Variants in NAPB observed in about 807,000 individuals in gnomAD.
NAPB encodes the protein NSF attachment protein beta.
NAPB carries 26 observed loss-of-function variants against 44.7 expected under a neutral mutation model. That is an observed-to-expected ratio of 0.58 (90% CI 0.43 to 0.81). The LOEUF (loss-of-function observed/expected upper bound fraction) is 0.81, where lower values mean the gene tolerates loss of function less well. Ranked by LOEUF, NAPB falls within the 30% of genes least tolerant of loss-of-function variation. The pLI is 0.00. For missense variants in NAPB, 315 were observed against 356.4 expected, an observed-to-expected ratio of 0.88 and a Z score of 0.94; for synonymous variants, 120 against 116.8, an observed-to-expected ratio of 1.03 and a Z score of -0.18.
At chr20:23,410,304 T>A (rs1025232084) in intron 1 of NAPB, among the ~76,000 whole-genome samples, 1 of 152,128 alleles carries the variant, frequency 6.6e-6, no homozygotes, top group Non-Finnish European at 1.5e-5. Context: ...CACAAACCGC[T>A]CATCTCCTAT....
intron 7 of NAPB, 35 bp downstream of exon 7, chr20:23,389,907 TCAGA>T (rs1983825595): frequency 2.6e-6 from 4 of 1,553,116 alleles, no homozygotes; most frequent in Non-Finnish European, 3.5e-6. Context: ...GAAAAATTAT[TCAGA>T]CAACTTCTCT....
intron 10 of NAPB, chr20:23,378,806 T>G (rs1206696123): frequency 6.8e-6 from 1 of 146,456 alleles, no homozygotes; most frequent in African/African-American, 2.5e-5. Context: ...ATATTTTAAA[T>G]TATATTTAAT....
chr20:23,421,242 G>C, intron 1 of NAPB, 63 bp downstream of exon 1: 7 of 1,426,524 alleles, frequency 4.9e-6, no homozygotes, highest in Non-Finnish European at 6.6e-6. Context: ...GGGTCAGCCT[G>C]AAAGGAAGGG....
chr20:23,398,761 T>A (rs1215938704), intron 2 of NAPB, among the ~76,000 whole-genome samples: 1 of 151,516 alleles, frequency 6.6e-6, no homozygotes, highest in Non-Finnish European at 1.5e-5. Context: ...GGACAATTGC[T>A]TGAATCCGGG....
At chr20:23,415,050 A>T (rs1488917219) in intron 1 of NAPB, among the ~76,000 whole-genome samples, 1 of 152,196 alleles carries the variant, frequency 6.6e-6, no homozygotes, top group African/African-American at 2.4e-5. Flanking sequence ...AGAGATTGAG[A>T]CATAACTAAG....
At chr20:23,414,226 G>A (rs952891560) in intron 1 of NAPB, among the ~76,000 whole-genome samples, 4 of 152,214 alleles carry the variant, frequency 2.6e-5, no homozygotes, top group African/African-American at 7.2e-5. Flanking sequence ...GGAGGCTGAG[G>A]TGGGAGGATC....
chr20:23,388,270 A>AAC (rs1484843400), intron 7 of NAPB, among the ~76,000 whole-genome samples: 1 of 150,894 alleles, frequency 6.6e-6, no homozygotes, highest in African/African-American at 2.5e-5. Flanking sequence ...CACACACACA[A>AAC]ACACACACAC....
At chr20:23,390,127 T>A in intron 6 of NAPB, 82 bp downstream of exon 6, 1 of 1,516,776 alleles carries the variant, frequency 6.6e-7, no homozygotes, top group Non-Finnish European at 9.1e-7. Context: ...TATAGTCAAA[T>A]ACACTCACAA....
intron 1 of NAPB, among the ~76,000 whole-genome samples, chr20:23,418,960 C>A (rs1390705668): frequency 6.6e-6 from 1 of 151,788 alleles, no homozygotes; most frequent in African/African-American, 2.4e-5. Flanking sequence ...AAAAAAAAAT[C>A]AATGATGCAG....
chr20:23,383,904 G>A (rs1397647759), intron 7 of NAPB, among the ~76,000 whole-genome samples: 1 of 152,074 alleles, frequency 6.6e-6, no homozygotes, highest in South Asian at 2.1e-4. Flanking sequence ...TTGAATAGGG[G>A]GAGTAAAAGA....
chr20:23,408,653 A>G (rs1421824131), intron 1 of NAPB, among the ~76,000 whole-genome samples: 1 of 152,232 alleles, frequency 6.6e-6, no homozygotes, highest in Non-Finnish European at 1.5e-5. Flanking sequence ...TGCTTAATAT[A>G]TTTTAAAACA....
At chr20:23,382,090 A>T (rs7269627) in intron 7 of NAPB, among the ~76,000 whole-genome samples, 45,149 of 152,082 alleles carry the variant, frequency 0.3, 6,741 homozygotes, top group Middle Eastern at 0.38. Context: ...TTCTTTCTCC[A>T]GCTGGTGTGC....
intron 1 of NAPB, among the ~76,000 whole-genome samples, chr20:23,417,823 G>A (rs1986110868): frequency 6.6e-6 from 1 of 152,016 alleles, no homozygotes; most frequent in African/African-American, 2.4e-5. Flanking sequence ...GATGGGAAAG[G>A]AATATTGATA....
At chr20:23,421,044 C>A (rs182461032) in intron 1 of NAPB, among the ~76,000 whole-genome samples, 1 of 146,820 alleles carries the variant, frequency 6.8e-6, no homozygotes, top group Non-Finnish European at 1.5e-5. Context: ...TGGGAGGATG[C>A]GGGGTTTCCA....
chr20:23,389,296 T>C (rs1234438100), intron 7 of NAPB, among the ~76,000 whole-genome samples: 1 of 149,748 alleles, frequency 6.7e-6, no homozygotes, highest in Non-Finnish European at 1.5e-5. Flanking sequence ...TGGAACACTG[T>C]GCATTGCTAG....
At chr20:23,417,518 C>G (rs1986093243) in intron 1 of NAPB, among the ~76,000 whole-genome samples, 1 of 152,142 alleles carries the variant, frequency 6.6e-6, no homozygotes, top group Non-Finnish European at 1.5e-5. Context: ...ATGTCAGACT[C>G]AGGCCGATTT....
At chr20:23,394,437 T>C (rs891031179) in intron 5 of NAPB, among the ~76,000 whole-genome samples, 2 of 152,020 alleles carry the variant, frequency 1.3e-5, no homozygotes, top group African/African-American at 4.8e-5. Flanking sequence ...CCAGACATGT[T>C]GGGTTAGAGA....
chr20:23,393,038 G>A (rs1221797093), intron 5 of NAPB, among the ~76,000 whole-genome samples: 1 of 152,028 alleles, frequency 6.6e-6, no homozygotes, highest in Admixed American at 6.6e-5. Flanking sequence ...GCTCATCCCC[G>A]CAAGACTCAC....
intron 3 of NAPB, among the ~76,000 whole-genome samples, chr20:23,395,530 A>G (rs1984296247): frequency 6.6e-6 from 1 of 152,246 alleles, no homozygotes; most frequent in Non-Finnish European, 1.5e-5. Context: ...TGTATCTGCT[A>G]AAATATGAAT....
Sources: allele counts gnomAD v4.1 joint callset (sites outside exome capture counted in the v4.1 genomes callset), GRCh38; gene constraint gnomAD v4.1.1; transcripts MANE v1.5; gene names NCBI Gene and HGNC (gene_info 2026-07-23, HGNC 2026-07-21).